Variants in CREB5 observed in about 807,000 individuals in gnomAD.
The protein encoded by CREB5 is cAMP responsive element binding protein 5, also known as cyclic AMP-responsive element-binding protein 5.
Under a neutral mutation model 57.1 loss-of-function variants are expected in CREB5, and 19 were observed. The ratio of observed to expected loss-of-function variants is 0.33; its 90% confidence interval spans 0.23 to 0.49. The LOEUF (loss-of-function observed/expected upper bound fraction) is 0.49. Ranked by LOEUF, CREB5 falls within the 20% of genes least tolerant of loss-of-function variation. The pLI, the probability that CREB5 is intolerant of heterozygous loss-of-function variation, is 0.99. For missense variants in CREB5, 579 were observed against 671.6 expected, an observed-to-expected ratio of 0.86 and a Z score of 1.52; for synonymous variants, 238 against 238.3, an observed-to-expected ratio of 1.00 and a Z score of 0.01.
At chr7:28,321,056 C>T (rs1328173714) in intron 1 of CREB5, among the ~76,000 whole-genome samples, 1 of 152,174 alleles carries the variant, frequency 6.6e-6, no homozygotes, top group East Asian at 1.9e-4. Context: ...TTGCTCTCTC[C>T]TCATCTGTAC....
At position 28,512,651 on chromosome 7, in the gene CREB5, G is replaced by C. The variant is rs747163355; in HGVS notation, c.291+4914G>C. Among the ~76,000 whole-genome samples the C allele has an allele frequency of 8.6e-3, 1,175 of 136,314 alleles. 17 individuals carry two copies. Among genetic ancestry groups the C allele is most frequent in the South Asian group, 0.028 (115 of 4,162 alleles). 89.4% of individuals were successfully genotyped at this position (136,314 alleles called of 152,430 possible). On this transcript the variant is annotated intron_variant, in intron 4 of 10. Transcript: ENST00000357727. Reference sequence around the variant, plus strand: ...AATAGATTTATCATATAATAACTGTGTGTGTGTGTGTGTGTGTATGTGTGT... The same window carrying C: ...AATAGATTTATCATATAATAACTGTCTGTGTGTGTGTGTGTGTATGTGTGT...
chr7:28,538,159 T>G (rs561967143), intron 4 of CREB5, among the ~76,000 whole-genome samples: 2 of 152,306 alleles, frequency 1.3e-5, no homozygotes, highest in Middle Eastern at 6.8e-3. Flanking sequence ...GTCCAAGTGA[T>G]TCTCTCACCT....
chr7:28,738,757 G>T (rs1370065587), intron 7 of CREB5, among the ~76,000 whole-genome samples: 2 of 152,164 alleles, frequency 1.3e-5, no homozygotes, highest in East Asian at 3.9e-4. Flanking sequence ...CTTAGACAAA[G>T]ATAATTTGTC....
At chr7:28,335,780 A>G (rs746476205) in intron 1 of CREB5, among the ~76,000 whole-genome samples, 9 of 152,126 alleles carry the variant, frequency 5.9e-5, no homozygotes, top group Non-Finnish European at 8.8e-5. Flanking sequence ...GTCATTTTCT[A>G]GATCTTGGAT....
chr7:28,633,496 GA>G (rs1455748168), intron 5 of CREB5, among the ~76,000 whole-genome samples: 1 of 152,124 alleles, frequency 6.6e-6, no homozygotes, highest in African/African-American at 2.4e-5. Flanking sequence ...CTCATTCAGA[GA>G]AAAAGCACTC....
intron 5 of CREB5, among the ~76,000 whole-genome samples, chr7:28,658,446 G>A (rs1562554203): frequency 6.6e-6 from 1 of 152,202 alleles, no homozygotes; most frequent in Non-Finnish European, 1.5e-5. Context: ...CACGCAGGCT[G>A]GAGATGCTTA....
intron 5 of CREB5, among the ~76,000 whole-genome samples, chr7:28,585,768 G>A (rs1361983662): frequency 2.6e-5 from 4 of 152,128 alleles, no homozygotes; most frequent in Non-Finnish European, 5.9e-5. Context: ...GAGTGAGCCC[G>A]CATGGGAGGG....
chr7:28,311,027 C>A (rs1167227149), intron 1 of CREB5, among the ~76,000 whole-genome samples: 2 of 151,262 alleles, frequency 1.3e-5, no homozygotes, highest in African/African-American at 4.9e-5. Context: ...GGCACCGTGG[C>A]TCACGCCTGT....
chr7:28,805,863 C>T (rs936924860), intron 8 of CREB5, among the ~76,000 whole-genome samples: 1 of 152,118 alleles, frequency 6.6e-6, no homozygotes, highest in Non-Finnish European at 1.5e-5. Context: ...ATAAGAGAAT[C>T]TCTGTAAAGC....
At chr7:28,715,118 A>C (rs1264685098) in intron 5 of CREB5, among the ~76,000 whole-genome samples, 1 of 152,260 alleles carries the variant, frequency 6.6e-6, no homozygotes, top group East Asian at 1.9e-4. Context: ...TAGCAGTATT[A>C]CAGGATTTTA....
Position 28,399,375 on chromosome 7 carries a change from A to G in CREB5, c.-24-95531A>G, listed in dbSNP as rs536937207. Among the ~76,000 whole-genome samples, 230 of 151,626 alleles carry G rather than the reference A, an allele frequency of 1.5e-3. 2 individuals are homozygous for G. The highest frequency in any genetic ancestry group is 5.4e-3 in the African/African-American group (221 of 41,300). On this transcript the variant is annotated intron_variant, in intron 1 of 9. Transcript: ENST00000396299. ...AAAAGAACAAAGCCAGAAACATCACATTACCTGACTTCAAACTATATTACA... is the reference window on the plus strand; with the variant it reads ...AAAAGAACAAAGCCAGAAACATCACGTTACCTGACTTCAAACTATATTACA...
intron 5 of CREB5, among the ~76,000 whole-genome samples, chr7:28,636,565 C>T (rs1394452072): frequency 6.6e-6 from 1 of 152,172 alleles, no homozygotes; most frequent in Non-Finnish European, 1.5e-5. Context: ...CCCTTTCCTA[C>T]ACTGTAAACT....
intron 1 of CREB5, among the ~76,000 whole-genome samples, chr7:28,380,894 C>T (rs1786953803): frequency 6.6e-6 from 1 of 152,142 alleles, no homozygotes; most frequent in South Asian, 2.1e-4. Flanking sequence ...TGTGAAAATA[C>T]CCAGCACAGC....
At chr7:28,397,469 C>A (rs2127998990) in intron 1 of CREB5, among the ~76,000 whole-genome samples, 1 of 152,314 alleles carries the variant, frequency 6.6e-6, no homozygotes, top group Middle Eastern at 3.4e-3. Context: ...CCCTCTCCCT[C>A]CAGATTGTGG....
chr7:28,570,255 T>A, intron 4 of CREB5, 110 bp from the exon 5 acceptor site: 1 of 1,193,206 alleles, frequency 8.4e-7, no homozygotes, highest in East Asian at 2.4e-5. Context: ...AAGCCATAAC[T>A]CTCTATGTAG....
intron 5 of CREB5, among the ~76,000 whole-genome samples, chr7:28,650,801 T>G (rs1193503649): frequency 6.6e-6 from 1 of 152,198 alleles, no homozygotes; most frequent in Non-Finnish European, 1.5e-5. Flanking sequence ...ATCTCAAATT[T>G]AATTATCTTT....
intron 7 of CREB5, among the ~76,000 whole-genome samples, chr7:28,755,096 G>C (rs1805220330): frequency 6.6e-6 from 1 of 152,310 alleles, no homozygotes; most frequent in African/African-American, 2.4e-5. Context: ...GAGAGCATAA[G>C]ATTGGTTAGG....
chr7:28,560,915 CGT>C lies in CREB5; in HGVS notation c.292-9444_292-9443del, dbSNP rs1272052332. Among the ~76,000 whole-genome samples, 8 of 16,874 alleles carry C rather than the reference CGT, an allele frequency of 4.7e-4. 1 individual carries two copies. Among genetic ancestry groups the C allele is most frequent in the African/African-American group, 8.4e-4 (3 of 3,590 alleles). The allele number at this position is 16,874 out of a possible 152,430, so 11.1% of individuals were successfully genotyped here. On this transcript the variant is annotated intron_variant, in intron 4 of 10. Transcript: ENST00000357727. ...GTGTGTGCGTGCGCGCGTGCGTGTGCGTGTGTGCGCGTGCGTGTGTGCGTGCG... is the reference window on the plus strand; with the variant it reads ...GTGTGTGCGTGCGCGCGTGCGTGTGCGTGTGCGCGTGCGTGTGTGCGTGCG...
intron 4 of CREB5, among the ~76,000 whole-genome samples, chr7:28,518,204 T>C (rs561768816): frequency 1.7e-4 from 26 of 152,330 alleles, no homozygotes; most frequent in African/African-American, 5.5e-4. Context: ...CTTTGAAAGT[T>C]AATCATAGTG....
Sources: gnomAD v4.1 joint callset for allele counts (sites outside exome capture counted in the v4.1 genomes callset) on GRCh38, gnomAD v4.1.1 for gene constraint, MANE v1.5 for transcripts, NCBI Gene and HGNC (gene_info 2026-07-23, HGNC 2026-07-21) for gene names.